Variants in C4orf50 observed in about 807,000 individuals in gnomAD.
The protein encoded by C4orf50 is chromosome 4 open reading frame 50.
In C4orf50, 80 loss-of-function variants were observed where a neutral mutation model predicts 77.2. The ratio of observed to expected loss-of-function variants is 1.04; its 90% CI spans 0.87 to 1.25. The LOEUF (loss-of-function observed/expected upper bound fraction) is 1.25, where lower values mean the gene tolerates loss of function less well. Ranked by LOEUF, C4orf50 falls within the 50% of genes most tolerant of loss-of-function variation. The probability of loss-of-function intolerance (pLI) is 0.00; values close to 1 mark genes in which losing one functional copy is unlikely to be tolerated. For synonymous variants in C4orf50, 532 were observed against 465.3 expected, an observed-to-expected ratio of 1.14 and a Z score of -1.84; for missense variants, 1,257 against 1,152.9, an observed-to-expected ratio of 1.09 and a Z score of -1.31.
Position 5,992,319 on chromosome 4 carries a change from T to G in C4orf50, c.1221+484A>C, listed in dbSNP as rs888112004. Among the ~76,000 whole-genome samples, 3 of 151,896 alleles carry G rather than the reference T, an allele frequency of 2.0e-5. No homozygotes were observed. Among genetic ancestry groups the G allele is most frequent in the African/African-American group, 7.3e-5 (3 of 41,324 alleles). On this transcript the variant is annotated intron_variant, in intron 27 of 33. Coordinates refer to ENST00000531445, the Ensembl canonical transcript of C4orf50. The surrounding 1 kb of genome is among the most constrained non-coding windows in gnomAD (Gnocchi z 5.0). ...TTCCTCAGGGATGAGAAAATGGAAG[T>G]GGAGAAAGGTTACGACTGCCTCAGC...
chr4:5,996,330 C>T (rs111891770), intron 25 of C4orf50, among the ~76,000 whole-genome samples: 24 of 152,258 alleles, frequency 1.6e-4, no homozygotes, highest in African/African-American at 5.3e-4. Flanking sequence ...CACTGCTCAG[C>T]CCCCAGCGAT....
intron 7 of C4orf50, among the ~76,000 whole-genome samples, chr4:5,920,839 G>A (rs546916041): frequency 1.2e-4 from 18 of 152,316 alleles, no homozygotes; most frequent in Admixed American, 2.6e-4. Context: ...AAACAACTCC[G>A]TGCTCAACAA....
intron 25 of C4orf50, among the ~76,000 whole-genome samples, chr4:5,999,337 A>G (rs1181869037): frequency 6.6e-6 from 1 of 152,146 alleles, no homozygotes; most frequent in Admixed American, 6.5e-5. Flanking sequence ...CCTCTGCAAA[A>G]TGAGAATCCA....
At chr4:5,950,648 G>C (rs987908479) in intron 7 of C4orf50, among the ~76,000 whole-genome samples, 1 of 152,088 alleles carries the variant, frequency 6.6e-6, no homozygotes. Flanking sequence ...AGGACATCTT[G>C]ACTGATAACA....
intron 33 of C4orf50, among the ~76,000 whole-genome samples, chr4:5,961,644 C>A (rs548344666): frequency 1.1e-4 from 16 of 152,332 alleles, no homozygotes; most frequent in African/African-American, 3.8e-4. Context: ...ATACGGCTCT[C>A]AAGCCTGCCT....
chr4:5,922,058 G>A (rs1717299807), intron 7 of C4orf50, among the ~76,000 whole-genome samples: 1 of 152,184 alleles, frequency 6.6e-6, no homozygotes, highest in Non-Finnish European at 1.5e-5. Context: ...GGAAAGTGAT[G>A]AGAGCCCAGA....
intron 7 of C4orf50, among the ~76,000 whole-genome samples, chr4:5,945,328 G>T (rs1231717939): frequency 6.6e-6 from 1 of 152,232 alleles, no homozygotes; most frequent in Non-Finnish European, 1.5e-5. Flanking sequence ...ATTCCCGGGG[G>T]ACCCCACAGC....
intron 7 of C4orf50, among the ~76,000 whole-genome samples, chr4:5,933,038 C>A (rs1717835190): frequency 6.6e-6 from 1 of 152,156 alleles, no homozygotes; most frequent in Admixed American, 6.5e-5. Context: ...TTGCTCCCAG[C>A]ACCAGGGATC....
At chr4:5,939,158 G>A (rs1381361973) in intron 7 of C4orf50, among the ~76,000 whole-genome samples, 3 of 152,056 alleles carry the variant, frequency 2.0e-5, no homozygotes, top group Non-Finnish European at 4.4e-5. Context: ...CAGGAGAATC[G>A]CTTGAACCTG....
intron 25 of C4orf50, among the ~76,000 whole-genome samples, chr4:6,004,651 T>TGGTGATGGTGATGATGGTGATGATGGTG (rs1722164658): frequency 3.6e-5 from 2 of 55,656 alleles, no homozygotes; most frequent in South Asian, 6.3e-4. Context: ...TGATGGTGAT[T>TGGTGATGGTGATGATGGTGATGATGGTG]ATGGTGATGA....
At chr4:5,925,946 C>G (rs1717493417) in intron 7 of C4orf50, among the ~76,000 whole-genome samples, 1 of 152,164 alleles carries the variant, frequency 6.6e-6, no homozygotes, top group Admixed American at 6.5e-5. Context: ...TGAGGCCTCA[C>G]AGGGAAGGCT....
chr4:5,966,778 T>C (rs1402556594), intron 32 of C4orf50, among the ~76,000 whole-genome samples: 1 of 151,670 alleles, frequency 6.6e-6, no homozygotes, highest in East Asian at 2.0e-4. Flanking sequence ...GCCTCCCGAG[T>C]AGCTGGGACT....
At position 5,932,160 on chromosome 4, in the gene C4orf50, C is replaced by A. The variant is rs1353236153; in HGVS notation, c.*2474+24741G>T. Among the ~76,000 whole-genome samples, 1 of 151,288 alleles carries A rather than the reference C, an allele frequency of 6.6e-6. No individual in the cohort carries two copies. Among genetic ancestry groups the A allele is most frequent in the African/African-American group, 2.4e-5 (1 of 41,162 alleles). Reference sequence around the variant, plus strand: ...AACTCACTAACCTGCCAGGTGTAAACCCACTGGCTGGCTATCTTCACAGGC... The same window carrying A: ...AACTCACTAACCTGCCAGGTGTAAAACCACTGGCTGGCTATCTTCACAGGC... On this transcript the variant is annotated intron_variant, in intron 7 of 7. Transcript: ENST00000324058. The surrounding 1 kb of genome is among the most constrained non-coding windows in gnomAD (Gnocchi z 4.2).
At chr4:5,946,833 C>T (rs528018106) in intron 7 of C4orf50, among the ~76,000 whole-genome samples, 5 of 152,352 alleles carry the variant, frequency 3.3e-5, no homozygotes, top group East Asian at 1.9e-4. Flanking sequence ...ATTACATCTG[C>T]GATGAGCACC....
exon 34 of C4orf50, chr4:5,957,606 T>C (rs760650887): frequency 1.3e-5 from 2 of 152,126 alleles, no homozygotes; most frequent in Non-Finnish European, 2.9e-5. Context: ...AAAACCTAGG[T>C]GGACAGCATC....
chr4:5,909,722 G>A (rs571742890), intron 7 of C4orf50, among the ~76,000 whole-genome samples: 6 of 152,294 alleles, frequency 3.9e-5, no homozygotes, highest in Non-Finnish European at 7.4e-5. Context: ...TCTTCTGCGT[G>A]TGAATATCCA....
chr4:5,972,005 T>G (rs1719954026), intron 31 of C4orf50, among the ~76,000 whole-genome samples: 1 of 132,668 alleles, frequency 7.5e-6, no homozygotes, highest in Admixed American at 7.5e-5. Flanking sequence ...AACTCTGCTT[T>G]CGATTTTTTT....
rs536163605 is a variant in C4orf50, at chr4:6,011,855, G to A, written c.401C>T (p.Ala134Val). 4.5e-5 allele frequency: 18 copies of A among 399,068 alleles called. No homozygotes were observed. The highest frequency in any genetic ancestry group is 2.5e-4 in the African/African-American group (12 of 48,762). 24.7% of individuals were successfully genotyped at this position (399,068 alleles called of 1,614,324 possible). Residue 134 changes from alanine to valine, a missense_variant, in exon 24 of 34, where the codon GCG becomes GTG. By Grantham distance (64) the Ala-to-Val change is moderately conservative (BLOSUM62 0). Coordinates refer to ENST00000531445, the Ensembl canonical transcript of C4orf50. The surrounding 1 kb of genome is among the most constrained non-coding windows in gnomAD (Gnocchi z 4.2). ...CTGGCTGGCCAGCTCCCCCTGCAGCGCCGCCAGCTTCTCCTGGGCCTGGAG... is the reference window on the plus strand; with the variant it reads ...CTGGCTGGCCAGCTCCCCCTGCAGCACCGCCAGCTTCTCCTGGGCCTGGAG...
chr4:5,965,315 A>T (rs1719507903), intron 32 of C4orf50, among the ~76,000 whole-genome samples, 170 bp from the exon 11 acceptor site: 1 of 152,010 alleles, frequency 6.6e-6, no homozygotes, highest in African/African-American at 2.4e-5. Flanking sequence ...CTCTCCAAGG[A>T]CCTCACCCAT....
Sources: gnomAD v4.1 joint callset for allele counts (sites outside exome capture counted in the v4.1 genomes callset) on GRCh38, gnomAD v4.1.1 for gene constraint, Gnocchi (gnomAD v3.1) non-coding constraint, MANE v1.5 for transcripts, NCBI Gene and HGNC (gene_info 2026-07-23, HGNC 2026-07-21) for gene names.